The following FBN3 variants were observed in gnomAD, a reference collection of about 807,000 sequenced individuals.
The protein encoded by FBN3 is fibrillin 3, also known as fibrillin-3.
FBN3 carries 234 observed loss-of-function variants against 330.1 expected under a neutral mutation model. The observed-to-expected ratio is 0.71, with a 90% CI of 0.64 to 0.79. The LOEUF (loss-of-function observed/expected upper bound fraction) is 0.79, where lower values mean the gene tolerates loss of function less well. FBN3 is among the 30% of genes least tolerant of loss of function. The pLI is 0.00. For synonymous variants in FBN3, 1,458 were observed against 1,517.3 expected, an observed-to-expected ratio of 0.96 and a Z score of 0.91; for missense variants, 3,606 against 3,886.9, an observed-to-expected ratio of 0.93 and a Z score of 1.92.
At chr19:8,099,588 T>A (rs891472970) in intron 41 of FBN3, among the ~76,000 whole-genome samples, 4 of 151,626 alleles carry the variant, frequency 2.6e-5, no homozygotes, top group African/African-American at 2.4e-5. Context: ...CCGCCATGGT[T>A]TGATTTTTTT....
chr19:8,096,197 C>A lies in FBN3; in HGVS notation c.5540-117G>T. 1 of 913,708 alleles carries A rather than the reference C, an allele frequency of 1.1e-6. No homozygotes were observed. The highest frequency in any genetic ancestry group is 1.8e-6 in the Non-Finnish European group (1 of 559,492). The allele number at this position is 913,708 out of a possible 1,614,324, so 56.6% of individuals were successfully genotyped here. ...CCTGCACCTAGCCCTGCCTAGATGA[C>A]TGGGCAGTGACCCCTGGCGGTGATG... is the stretch of plus-strand genomic sequence containing the variant. On this transcript the variant is annotated intron_variant, in intron 44 of 63. Transcript: ENST00000600128. The surrounding 1 kb of genome is among the most constrained non-coding windows in gnomAD (Gnocchi z 4.6).
intron 21 of FBN3, 137 bp downstream of exon 21, chr19:8,126,160 G>C: frequency 9.1e-6 from 13 of 1,425,598 alleles, no homozygotes; most frequent in Non-Finnish European, 1.3e-5. Context: ...AAGGCCTGGG[G>C]ACCAGGTAGG....
In FBN3 at chr19:8,106,217, T is replaced by C. The variant is rs1161660738; in HGVS notation, c.4704A>G (p.Gln1568=). 6.2e-7 allele frequency: 1 copy of C among 1,614,134 alleles called. No individual in the cohort carries two copies. Among genetic ancestry groups the C allele is most frequent in the African/African-American group, 1.3e-5 (1 of 75,052 alleles). ...CCCCCTGACACAGCCCTGGCAGCTC[T>C]TGGCACTCGTCGATGTCTGTCAGGA... ...TVILEDIDEC[Q]ELPGLCQGGD... is the part of the protein sequence containing the mutation. The change falls in exon 38 of 64, where the codon CAA becomes CAG. Residue 1568 remains glutamine, a synonymous_variant. Transcript: ENST00000600128.
At chr19:8,108,039 C>A in intron 37 of FBN3, 131 bp downstream of exon 37, 1 of 666,156 alleles carries the variant, frequency 1.5e-6, no homozygotes, top group South Asian at 2.1e-5. Context: ...TCCTGCTGCT[C>A]AGCCTCCAGG....
intron 30 of FBN3, among the ~76,000 whole-genome samples, chr19:8,115,154 C>T (rs916318233): frequency 7.2e-5 from 11 of 152,154 alleles, no homozygotes; most frequent in Admixed American, 5.2e-4. Context: ...CGCGCCCGGC[C>T]CAGAGAATCA....
At chr19:8,117,740 A>C in intron 26 of FBN3, 151 bp from the exon 27 acceptor site, 1 of 879,950 alleles carries the variant, frequency 1.1e-6, no homozygotes, top group Non-Finnish European at 1.7e-6. Flanking sequence ...ACTTGCATTC[A>C]CTCACATGCA....
rs1222314222 is a variant in FBN3 at position 8,091,508 on chromosome 19, G to A, written c.5988C>T (p.Cys1996=). The A allele has an allele frequency of 6.2e-7, 1 of 1,614,120 alleles. No individual in the cohort carries two copies. Among genetic ancestry groups the A allele is most frequent in the African/African-American group, 1.3e-5 (1 of 74,932 alleles). ...TNSPGSFQCL[C]PPGFVLSDNG... ...TGTCAGAGAGGACAAAGCCAGGTGG[G>A]CAGAGGCACTGGAAGCTCCCAGGGC... is the stretch of plus-strand genomic sequence containing the variant. The change falls in exon 48 of 64, where the codon TGC becomes TGT. Residue 1996 remains cysteine (C), a synonymous_variant. Coordinates refer to ENST00000600128, the MANE Select transcript of FBN3 (RefSeq NM_032447.5).
chr19:8,065,628 GGC>G lies in FBN3; in HGVS notation c.*289_*290del. 1 of 436,568 alleles carries G rather than the reference GGC, an allele frequency of 2.3e-6. No individual in the cohort carries two copies. Among genetic ancestry groups the G allele is most frequent in the Admixed American group, 4.0e-5 (1 of 24,836 alleles). 27.0% of individuals were successfully genotyped at this position (436,568 alleles called of 1,614,324 possible). On this transcript the variant is annotated 3_prime_UTR_variant, in exon 64 of 64. Transcript: ENST00000600128. Reference sequence around the variant, plus strand: ...AGTACAGAAGTGAAAGCCTGAGATTGGCCAGACACGGTGACCACAGGGCCTCT... The same window carrying G: ...AGTACAGAAGTGAAAGCCTGAGATTGCAGACACGGTGACCACAGGGCCTCT...
intron 61 of FBN3, among the ~76,000 whole-genome samples, chr19:8,073,960 G>C (rs756296170): frequency 2.0e-5 from 3 of 152,150 alleles, no homozygotes; most frequent in African/African-American, 7.2e-5. Context: ...GAACTACCAT[G>C]GCGGATCCCA....
chr19:8,123,886 C>G lies in FBN3; in HGVS notation c.2854G>C (p.Glu952Gln). Reference protein sequence around the residue: ...SIGAVWGVECEACPDPESLEF... With the variant: ...SIGAVWGVECQACPDPESLEF... ...AGAGACTCGGGATCCGGGCAGGCCT[C>G]GCACTCGACTCCCCACACGGCCCCG... The change falls in exon 23 of 64, where the codon GAG becomes CAG. Residue 952 changes from glutamate to glutamine, a missense_variant. Glu to Gln is a conservative substitution (Grantham distance 29). Transcript: ENST00000600128. 6.2e-7 allele frequency: 1 copy of G among 1,613,764 alleles called. No individual in the cohort carries two copies. Among genetic ancestry groups the G allele is most frequent in the African/African-American group, 1.3e-5 (1 of 75,054 alleles).
chr19:8,073,918 A>C (rs1262614391), intron 61 of FBN3, among the ~76,000 whole-genome samples: 2 of 152,094 alleles, frequency 1.3e-5, no homozygotes, highest in Non-Finnish European at 2.9e-5. Flanking sequence ...CTGGCCTCAA[A>C]TGATCCCCCT....
At chr19:8,097,953 A>G (rs114174106) in intron 41 of FBN3, among the ~76,000 whole-genome samples, 295 of 152,338 alleles carry the variant, frequency 1.9e-3, no homozygotes, top group African/African-American at 6.8e-3. Context: ...AGAGACAGAA[A>G]GTCGATTTGT....
Position 8,144,889 on chromosome 19 carries a change from G to T in FBN3, c.529C>A (p.Gln177Lys). Residue 177 changes from glutamine (Q) to lysine (K), a missense_variant, in exon 6 of 64, where the codon CAA becomes AAA. Coordinates refer to ENST00000600128, the MANE Select transcript of FBN3 (RefSeq NM_032447.5). Reference protein sequence around the residue: ...CACVYGFMGPQCERDYRTGPC... With the variant: ...CACVYGFMGPKCERDYRTGPC... The stretch of plus-strand genomic sequence containing the variant: ...GCATGCTTGGTACCTCTCTCACATT[G>T]AGGTCCCATGAAGCCATACACACAG... 6.2e-7 allele frequency: 1 copy of T among 1,609,458 alleles called. No homozygotes were observed. The highest frequency in any genetic ancestry group is 8.5e-7 in the Non-Finnish European group (1 of 1,178,602).
chr19:8,116,446 T>G (rs73505672), intron 29 of FBN3, among the ~76,000 whole-genome samples: 3,059 of 152,198 alleles, frequency 0.02, 111 homozygotes, highest in African/African-American at 0.07. Flanking sequence ...GAATTCTGCT[T>G]CTGTTATATA....
intron 26 of FBN3, 115 bp downstream of exon 26, chr19:8,118,778 CAGAA>C (rs2082769932): frequency 6.9e-6 from 9 of 1,308,786 alleles, no homozygotes; most frequent in South Asian, 1.3e-5. Flanking sequence ...GGTATGGCCT[CAGAA>C]AGACAGATAC....
Position 8,136,052 on chromosome 19 carries a change from A to G in FBN3, c.1500T>C (p.Cys500=). Residue 500 remains cysteine, a synonymous_variant, in exon 13 of 64, where the codon TGT becomes TGC. Coordinates refer to ENST00000600128, the MANE Select transcript of FBN3 (RefSeq NM_032447.5). ...VDECIVSGGL[C]HLGRCVNTEG... ...CTGTGTTGACACAGCGGCCCAGGTG[A>G]CAAAGGCCACCACTGACAATGCACT... 1 of 1,613,004 alleles carries G rather than the reference A, an allele frequency of 6.2e-7. No homozygotes were observed. The highest frequency in any genetic ancestry group is 8.5e-7 in the Non-Finnish European group (1 of 1,179,630).
intron 25 of FBN3, 57 bp from the exon 26 acceptor site, chr19:8,119,079 G>T: frequency 6.5e-7 from 1 of 1,547,312 alleles, no homozygotes. Context: ...CAGGGAGGGG[G>T]TGATGAGGCT....
rs536372940 is a variant in FBN3 at position 8,139,074 on chromosome 19, C to T, written c.866-510G>A. ...GTCTCAAAAAAAATAAAGGGCCGGG[C>T]GCAGTGGCTCACGCCTGTAATCTCA... On this transcript the variant is annotated intron_variant, in intron 8 of 63. Transcript: ENST00000600128. 1.7e-3 allele frequency among the ~76,000 whole-genome samples: 260 copies of T among 149,362 alleles called. 1 individual carries two copies. The highest frequency in any genetic ancestry group is 6.1e-3 in the African/African-American group (246 of 40,256).
chr19:8,115,777 CTT>C (rs1028160061), intron 29 of FBN3, 137 bp from the exon 30 acceptor site: 20 of 1,011,862 alleles, frequency 2.0e-5, no homozygotes, highest in Non-Finnish European at 2.9e-5. Context: ...GACTCTCTTT[CTT>C]TTCTCCAGGG....
Sources: gnomAD v4.1 joint callset for allele counts (sites outside exome capture counted in the v4.1 genomes callset) on GRCh38, gnomAD v4.1.1 for gene constraint, Gnocchi (gnomAD v3.1) non-coding constraint, MANE v1.5 for transcripts, NCBI Gene and HGNC (gene_info 2026-07-23, HGNC 2026-07-21) for gene names.